Variants in AGAP3 observed in about 807,000 individuals in gnomAD.
AGAP3 encodes the protein ArfGAP with GTPase domain, ankyrin repeat and PH domain 3, also known as arf-GAP with GTPase, ANK repeat and PH domain-containing protein 3.
A neutral mutation model predicts 96.9 loss-of-function variants in AGAP3; 24 were observed. That is an observed-to-expected ratio of 0.25 (90% CI 0.18 to 0.35). AGAP3 has a LOEUF of 0.35. Ranked by LOEUF, AGAP3 falls within the 10% of genes least tolerant of loss-of-function variation. The pLI is 1.00. For missense variants in AGAP3, 876 were observed against 1,254.2 expected, an observed-to-expected ratio of 0.70 and a Z score of 4.55; for synonymous variants, 563 against 536.1, an observed-to-expected ratio of 1.05 and a Z score of -0.69.
intron 1 of AGAP3, among the ~76,000 whole-genome samples, chr7:151,113,574 T>C (rs75210455): frequency 6.6e-6 from 1 of 152,182 alleles, no homozygotes; most frequent in Non-Finnish European, 1.5e-5. Flanking sequence ...TGGGCTGGAC[T>C]GGGGGTGGAG....
Position 151,086,938 on chromosome 7 carries a change from C to G in AGAP3, c.197C>G (p.Ser66Cys). 6.2e-7 allele frequency: 1 copy of G among 1,610,230 alleles called. No individual in the cohort carries two copies. Among genetic ancestry groups the G allele is most frequent in the Non-Finnish European group, 8.5e-7 (1 of 1,178,566 alleles). ...GPPQQFALSN[S>C]AAIRAEIQRF... ...CCCCAGCAGTTCGCGCTCTCCAACT[C>G]CGCGGCCATCCGGGCCGAGATCCAG... Residue 66 changes from serine to cysteine, a missense_variant, in exon 1 of 18, where the codon TCC becomes TGC. This residue lies in a region of AGAP3 where 62 missense variants were observed against 82.8 expected (regional missense o/e 0.75). Transcript: ENST00000397238.
intron 1 of AGAP3, among the ~76,000 whole-genome samples, chr7:151,087,799 T>C (rs1352941999): frequency 6.6e-6 from 1 of 152,252 alleles, no homozygotes; most frequent in Non-Finnish European, 1.5e-5. Context: ...TGCCTAGCGC[T>C]TTTTTCTCTG....
chr7:151,111,638 A>G (rs1205094139), intron 1 of AGAP3, among the ~76,000 whole-genome samples: 6 of 152,028 alleles, frequency 3.9e-5, no homozygotes, highest in Non-Finnish European at 8.8e-5. Flanking sequence ...CAGCACAGAA[A>G]CTGGGCATAA....
chr7:151,089,546 G>T (rs1248381448), intron 1 of AGAP3, among the ~76,000 whole-genome samples: 2 of 152,180 alleles, frequency 1.3e-5, no homozygotes, highest in East Asian at 3.9e-4. Context: ...CTCTGAAGGT[G>T]ACGTGGGACC....
chr7:151,092,310 AC>A (rs1265151398), intron 1 of AGAP3, among the ~76,000 whole-genome samples: 1 of 151,784 alleles, frequency 6.6e-6, no homozygotes, highest in Non-Finnish European at 1.5e-5. Context: ...GGAGACAGAC[AC>A]CCCCGTAAGA....
intron 1 of AGAP3, among the ~76,000 whole-genome samples, chr7:151,100,222 G>A (rs1445554337): frequency 2.6e-5 from 4 of 152,208 alleles, no homozygotes; most frequent in Middle Eastern, 3.2e-3. Flanking sequence ...CTGCGGTGCT[G>A]TTTTGGAGGG....
chr7:151,127,428 C>T (rs1755416909), intron 9 of AGAP3, among the ~76,000 whole-genome samples: 1 of 152,192 alleles, frequency 6.6e-6, no homozygotes, highest in African/African-American at 2.4e-5. Context: ...TTCCGCTCTC[C>T]CAGCTGAGGG....
rs200488180 is a variant in AGAP3, at chr7:151,143,951, G to A, written c.*8G>A. On this transcript the variant is annotated 3_prime_UTR_variant, in exon 18 of 18. Coordinates refer to ENST00000397238, the MANE Select transcript of AGAP3 (RefSeq NM_031946.7). This position sits in a 1 kb window ranked among gnomAD's most constrained non-coding sequence, Gnocchi z 5.9. Reference sequence around the variant, plus strand: ...AGTCCTAGCCTCCTATAAGGCCCAGGAAGAGGGCAGAGGGGCCAGAAGGAC... The same window carrying A: ...AGTCCTAGCCTCCTATAAGGCCCAGAAAGAGGGCAGAGGGGCCAGAAGGAC... 9.4e-5 allele frequency: 152 copies of A among 1,612,972 alleles called. No individual in the cohort carries two copies. The highest frequency in any genetic ancestry group is 2.4e-4 in the South Asian group (22 of 91,036).
chr7:151,114,257 C>G lies in AGAP3; in HGVS notation c.332-2536C>G, dbSNP rs1799428434. On this transcript the variant is annotated intron_variant, in intron 1 of 17. Transcript: ENST00000397238. This position sits in a 1 kb window ranked among gnomAD's most constrained non-coding sequence, Gnocchi z 4.4. ...TGCAGACGAGGACACGCGCGCAGACCCGGCATGGCTGCCTCTGACGTCTCA... is the reference window on the plus strand; with the variant it reads ...TGCAGACGAGGACACGCGCGCAGACGCGGCATGGCTGCCTCTGACGTCTCA... Among the ~76,000 whole-genome samples the G allele has an allele frequency of 6.6e-6, 1 of 152,236 alleles. No homozygotes were observed. Among genetic ancestry groups the G allele is most frequent in the Non-Finnish European group, 1.5e-5 (1 of 68,034 alleles).
intron 10 of AGAP3, among the ~76,000 whole-genome samples, chr7:151,131,512 G>T (rs1333643513): frequency 1.3e-5 from 2 of 152,166 alleles, no homozygotes; most frequent in Non-Finnish European, 2.9e-5. Context: ...CATGCTCCCC[G>T]TTCTGCTGAC....
At chr7:151,100,209 C>A (rs116731684) in intron 1 of AGAP3, among the ~76,000 whole-genome samples, 170 of 152,318 alleles carry the variant, frequency 1.1e-3, no homozygotes, top group African/African-American at 3.8e-3. Context: ...CGTGCTCCCC[C>A]AGCTGCGGTG....
chr7:151,143,373 A>T lies in AGAP3; in HGVS notation c.2306A>T (p.Tyr769Phe), dbSNP rs775647086. The stretch of plus-strand genomic sequence containing the variant: ...AAGGAACGCTGGATACGGGCCAAGT[A>T]TGAACAGAAGCTCTTCCTGGCCCCA... ...EEKERWIRAK[Y>F]EQKLFLAPLP... The change falls in exon 17 of 18, where the codon TAT (tyrosine) becomes TTT (phenylalanine). Residue 769 changes from tyrosine (Y) to phenylalanine (F), a missense_variant. Tyr to Phe is a conservative substitution (Grantham distance 22). Around this residue, in one of 8 missense-constraint regions of AGAP3, gnomAD observed 213 missense variants for 253.8 expected, o/e 0.84. Coordinates refer to ENST00000397238, the MANE Select transcript of AGAP3 (RefSeq NM_031946.7). This position sits in a 1 kb window ranked among gnomAD's most constrained non-coding sequence, Gnocchi z 5.9. 1 of 1,614,014 alleles carries T rather than the reference A, an allele frequency of 6.2e-7. No homozygotes were observed. The highest frequency in any genetic ancestry group is 2.2e-5 in the East Asian group (1 of 44,868).
In AGAP3 at chr7:151,144,197, G is replaced by T. The variant is rs1243119200; in HGVS notation, c.*254G>T. 7 of 515,606 alleles carry T rather than the reference G, an allele frequency of 1.4e-5. No homozygotes were observed. The Admixed American group carries it at 1.8e-4, about 13-fold the overall frequency. The allele number at this position is 515,606 out of a possible 1,614,324, so 31.9% of individuals were successfully genotyped here. On this transcript the variant is annotated 3_prime_UTR_variant, in exon 18 of 18. Coordinates refer to ENST00000397238, the MANE Select transcript of AGAP3 (RefSeq NM_031946.7). ...GGGACAGGACCCTTCGGAGGTGCCT[G>T]TGAGGAGAGGGGAGCAGGACCTCTC...
intron 1 of AGAP3, among the ~76,000 whole-genome samples, chr7:151,094,122 C>T (rs1798504715): frequency 6.6e-6 from 1 of 152,132 alleles, no homozygotes; most frequent in African/African-American, 2.4e-5. Flanking sequence ...TGGGTCATAA[C>T]AAAGCTCTGC....
At chr7:151,136,266 G>A (rs1249635312) in intron 11 of AGAP3, 1 of 152,170 alleles carries the variant, frequency 6.6e-6, no homozygotes, top group East Asian at 1.9e-4. Flanking sequence ...CCTAGAGCAA[G>A]GGAAACGAGA....
Position 151,118,232 on chromosome 7 carries a change from C to G in AGAP3, c.729C>G (p.Pro243=). ...CAGATGCCATCAGCGCTGCGAATCC[C>G]CGGGTTATCGACGACAGCAGAGCCC... is the stretch of plus-strand genomic sequence containing the variant. ...GTQDAISAAN[P]RVIDDSRARK... Residue 243 remains proline (P), a synonymous_variant, in exon 6 of 18, where the codon CCC becomes CCG. Transcript: ENST00000397238. This position sits in a 1 kb window ranked among gnomAD's most constrained non-coding sequence, Gnocchi z 6.1. The G allele has an allele frequency of 6.2e-7, 1 of 1,611,920 alleles. No homozygotes were observed. Among genetic ancestry groups the G allele is most frequent in the Non-Finnish European group, 8.5e-7 (1 of 1,178,246 alleles).
Position 151,138,145 on chromosome 7 carries a change from G to GC in AGAP3, c.1504dup (p.His502ProfsTer11). The GC allele has an allele frequency of 1.3e-6, 2 of 1,593,086 alleles. No individual in the cohort carries two copies. Among genetic ancestry groups the GC allele is most frequent in the Non-Finnish European group, 8.5e-7 (1 of 1,169,746 alleles). ...AGTCTGACCCTTCCCGCCCCCAGGT[G>GC]CCCCCCACTCGGCCAGCAGCGCATC... On this transcript the variant is annotated frameshift_variant, in exon 12 of 18. Coordinates refer to ENST00000397238, the MANE Select transcript of AGAP3 (RefSeq NM_031946.7). LOFTEE classifies it high-confidence loss of function.
chr7:151,126,030 T>A (rs1284760522), intron 9 of AGAP3, among the ~76,000 whole-genome samples: 1 of 103,028 alleles, frequency 9.7e-6, no homozygotes, highest in Non-Finnish European at 1.9e-5. Context: ...GGTTTCCTCC[T>A]GTCCGCTTCC....
intron 11 of AGAP3, among the ~76,000 whole-genome samples, chr7:151,134,793 G>C (rs139048570): frequency 6.6e-6 from 1 of 152,182 alleles, no homozygotes; most frequent in Non-Finnish European, 1.5e-5. Flanking sequence ...GTCAGATGGG[G>C]CCAAGTAGTG....
Sources: allele counts gnomAD v4.1 joint callset (sites outside exome capture counted in the v4.1 genomes callset), GRCh38; gene constraint gnomAD v4.1.1; regional missense constraint gnomAD v4.1.1; non-coding constraint Gnocchi (gnomAD v3.1); transcripts MANE v1.5; gene names NCBI Gene and HGNC (gene_info 2026-07-23, HGNC 2026-07-21).